PRIMPOL: variants seen among roughly 807,000 people sequenced by gnomAD.
The protein encoded by PRIMPOL is primase and DNA directed polymerase.
Under a neutral mutation model 63.6 loss-of-function variants are expected in PRIMPOL, and 54 were observed. The ratio of observed to expected loss-of-function variants is 0.85; its 90% CI spans 0.68 to 1.07. PRIMPOL has a LOEUF of 1.07. Ranked by LOEUF, PRIMPOL falls within the 50% of genes least tolerant of loss-of-function variation. The pLI, the probability that PRIMPOL is intolerant of heterozygous loss-of-function variation, is 0.00. For synonymous variants in PRIMPOL, 197 were observed against 220.2 expected, an observed-to-expected ratio of 0.89 and a Z score of 0.93; for missense variants, 610 against 648.3, an observed-to-expected ratio of 0.94 and a Z score of 0.64.
At chr4:184,674,708 G>T (rs1461225130) in intron 7 of PRIMPOL, among the ~76,000 whole-genome samples, 1 of 152,160 alleles carries the variant, frequency 6.6e-6, no homozygotes, top group Non-Finnish European at 1.5e-5. Flanking sequence ...TTATATACTG[G>T]ATTCTTACAG....
At position 184,670,278 on chromosome 4, in the gene PRIMPOL, T is replaced by G. The variant is rs1278706781; in HGVS notation, c.557-1895T>G. ...GCCATTGCCACCATTTCTGCAACCATGCATTCTCTTCCCTTATTGTCTGGG... is the reference window on the plus strand; with the variant it reads ...GCCATTGCCACCATTTCTGCAACCAGGCATTCTCTTCCCTTATTGTCTGGG... On this transcript the variant is annotated intron_variant, in intron 6 of 13. Coordinates refer to ENST00000314970, the MANE Select transcript of PRIMPOL (RefSeq NM_152683.4). 2.6e-5 allele frequency among the ~76,000 whole-genome samples: 4 copies of G among 152,216 alleles called. No individual in the cohort carries two copies. The East Asian group carries it at 7.7e-4, about 29-fold the overall frequency.
chr4:184,673,177 C>T (rs542344144), intron 7 of PRIMPOL, among the ~76,000 whole-genome samples: 17 of 149,352 alleles, frequency 1.1e-4, no homozygotes, highest in Non-Finnish European at 1.8e-4. Flanking sequence ...TAGCCCAGGC[C>T]GGACTGCAGT....
At chr4:184,680,486 C>T (rs559655325) in intron 8 of PRIMPOL, among the ~76,000 whole-genome samples, 1 of 152,140 alleles carries the variant, frequency 6.6e-6, no homozygotes, top group Non-Finnish European at 1.5e-5. Context: ...CCGTGCCCGG[C>T]CACTTAAATA....
chr4:184,669,796 C>G (rs72689262), intron 6 of PRIMPOL, among the ~76,000 whole-genome samples: 19,863 of 152,148 alleles, frequency 0.13, 1,396 homozygotes, highest in Middle Eastern at 0.17. Flanking sequence ...ATCAGGCCTT[C>G]TCCTGGGCTG....
At chr4:184,681,458 A>G (rs1755600811) in intron 8 of PRIMPOL, among the ~76,000 whole-genome samples, 1 of 152,138 alleles carries the variant, frequency 6.6e-6, no homozygotes, top group South Asian at 2.1e-4. Flanking sequence ...AATACTGTAA[A>G]TCCTTCTAGA....
chr4:184,684,291 A>C (rs1258464180), intron 9 of PRIMPOL, among the ~76,000 whole-genome samples: 1 of 152,002 alleles, frequency 6.6e-6, no homozygotes, highest in Non-Finnish European at 1.5e-5. Context: ...CCCCGTCTCT[A>C]CTAAAAATAC....
At chr4:184,661,657 G>T in intron 4 of PRIMPOL, 117 bp from the exon 5 acceptor site, 1 of 583,672 alleles carries the variant, frequency 1.7e-6, no homozygotes, top group Non-Finnish European at 2.8e-6. Context: ...AGTGAACCGA[G>T]ATCACACCAC....
chr4:184,667,124 T>G (rs553987430), intron 6 of PRIMPOL, among the ~76,000 whole-genome samples: 1 of 152,254 alleles, frequency 6.6e-6, no homozygotes, highest in Non-Finnish European at 1.5e-5. Context: ...GCCAGGAACC[T>G]GATTTCTGGA....
At chr4:184,683,636 T>G (rs933077528) in intron 9 of PRIMPOL, among the ~76,000 whole-genome samples, 32 of 152,326 alleles carry the variant, frequency 2.1e-4, no homozygotes, top group African/African-American at 7.2e-4. Context: ...GAGAGAGATC[T>G]TCCTCAGTCT....
intron 7 of PRIMPOL, among the ~76,000 whole-genome samples, chr4:184,673,092 T>C (rs1317327571): frequency 6.6e-6 from 1 of 151,962 alleles, no homozygotes; most frequent in Non-Finnish European, 1.5e-5. Context: ...AGGCTCTAGC[T>C]TGTGATTTCA....
intron 2 of PRIMPOL, among the ~76,000 whole-genome samples, chr4:184,656,008 G>A (rs1746332002): frequency 6.6e-6 from 1 of 152,042 alleles, no homozygotes; most frequent in African/African-American, 2.4e-5. Flanking sequence ...AGGTCTCTCT[G>A]GGACTCAGGC....
At chr4:184,679,014 T>C (rs1283843091) in intron 8 of PRIMPOL, among the ~76,000 whole-genome samples, 1 of 152,206 alleles carries the variant, frequency 6.6e-6, no homozygotes, top group Non-Finnish European at 1.5e-5. Flanking sequence ...GTATTGCATT[T>C]GGAAATATTT....
chr4:184,662,378 C>G (rs117747052), intron 5 of PRIMPOL, among the ~76,000 whole-genome samples: 2 of 152,146 alleles, frequency 1.3e-5, no homozygotes, highest in East Asian at 3.9e-4. Context: ...AAGGCCCAGA[C>G]GAAACTAATT....
intron 11 of PRIMPOL, among the ~76,000 whole-genome samples, chr4:184,687,112 CCAGGCTGGAGTGCAGTGGCATGATCT>C (rs914177441): frequency 1.3e-5 from 2 of 152,158 alleles, no homozygotes; most frequent in Non-Finnish European, 1.5e-5. Flanking sequence ...ACTCCGTTGC[CCAGGCTGGAGTGCAGTGGCATGATCT>C]CAGCTCACTG....
rs372599218 is a variant in PRIMPOL, at chr4:184,678,288, C to T, written c.901C>T (p.Arg301Cys). 10 of 1,603,420 alleles carry T rather than the reference C, an allele frequency of 6.2e-6. No homozygotes were observed. The highest frequency in any genetic ancestry group is 4.0e-5 in the African/African-American group (3 of 74,324). The change falls in exon 8 of 14, where the codon CGT (arginine) becomes TGT (cysteine). Residue 301 changes from arginine (R) to cysteine (C), a missense_variant. Coordinates refer to ENST00000314970, the MANE Select transcript of PRIMPOL (RefSeq NM_152683.4). ...RLYKSSKIGK[R>C]VALEVTEDNK... Reference sequence around the variant, plus strand: ...ATATAAATCATCAAAAATTGGAAAGCGTGTGGCTTTGGAGGTTACTGAAGA... The same window carrying T: ...ATATAAATCATCAAAAATTGGAAAGTGTGTGGCTTTGGAGGTTACTGAAGA...
intron 4 of PRIMPOL, 39 bp from the exon 5 acceptor site, chr4:184,661,735 T>A (rs1338730379): frequency 7.4e-7 from 1 of 1,354,904 alleles, no homozygotes; most frequent in East Asian, 2.4e-5. Context: ...AATAAAGGTA[T>A]AATATATCAA....
chr4:184,658,975 G>A (rs1225594805), intron 3 of PRIMPOL, among the ~76,000 whole-genome samples: 1 of 150,512 alleles, frequency 6.6e-6, no homozygotes, highest in Non-Finnish European at 1.5e-5. Context: ...ATCAATTTTA[G>A]CCCAAATCAT....
chr4:184,673,135 C>CTTTTTT, intron 7 of PRIMPOL, among the ~76,000 whole-genome samples: 1 of 141,930 alleles, frequency 7.0e-6, no homozygotes, highest in Non-Finnish European at 1.5e-5. Context: ...TTTTCTTTTT[C>CTTTTTT]TTTTTTTTTT....
rs1358805705 is a variant in PRIMPOL at position 184,694,638 on chromosome 4, T to C, written c.1542T>C (p.Asp514=). ...GTGCATCTGCTGATGCTGTCTGGGATAATGGCATTGATGATGCTTATTTTT... is the reference window on the plus strand; with the variant it reads ...GTGCATCTGCTGATGCTGTCTGGGACAATGGCATTGATGATGCTTATTTTT... The part of the protein sequence containing the change: ...STGASADAVW[D]NGIDDAYFLE... The change falls in exon 14 of 14, where the codon GAT becomes GAC. Residue 514 remains aspartate, a synonymous_variant. Coordinates refer to ENST00000314970, the MANE Select transcript of PRIMPOL (RefSeq NM_152683.4). 6.2e-7 allele frequency: 1 copy of C among 1,614,210 alleles called. No homozygotes were observed. The highest frequency in any genetic ancestry group is 8.5e-7 in the Non-Finnish European group (1 of 1,180,022).
Sources: gnomAD v4.1 joint callset for allele counts (sites outside exome capture counted in the v4.1 genomes callset) on GRCh38, gnomAD v4.1.1 for gene constraint, MANE v1.5 for transcripts, NCBI Gene and HGNC (gene_info 2026-07-23, HGNC 2026-07-21) for gene names.